Variants in SUCLG2 observed in about 807,000 individuals in gnomAD.
SUCLG2 encodes the protein succinate-CoA ligase GDP-forming subunit beta, also known as succinate--CoA ligase [GDP-forming] subunit beta, mitochondrial.
A neutral mutation model predicts 47.9 loss-of-function variants in SUCLG2; 42 were observed. The ratio of observed to expected loss-of-function variants is 0.88; its 90% CI spans 0.69 to 1.14. The LOEUF (loss-of-function observed/expected upper bound fraction) is 1.14, where lower values mean the gene tolerates loss of function less well. SUCLG2 is among the 50% of genes most tolerant of loss of function. The probability of loss-of-function intolerance (pLI) is 0.00; values close to 1 mark genes in which losing one functional copy is unlikely to be tolerated. For synonymous variants in SUCLG2, 195 were observed against 197.3 expected, an observed-to-expected ratio of 0.99 and a Z score of 0.10; for missense variants, 571 against 525.9, an observed-to-expected ratio of 1.09 and a Z score of -0.84.
chr3:67,417,507 T>G (rs1206320257), intron 9 of SUCLG2, among the ~76,000 whole-genome samples: 2 of 152,250 alleles, frequency 1.3e-5, no homozygotes, highest in African/African-American at 2.4e-5. Flanking sequence ...TTCTTAATAA[T>G]GGTGCGACAC....
At chr3:67,617,887 A>T (rs1026500884) in intron 1 of SUCLG2, among the ~76,000 whole-genome samples, 1 of 152,240 alleles carries the variant, frequency 6.6e-6, no homozygotes, top group African/African-American at 2.4e-5. Flanking sequence ...AGAGGAGGAA[A>T]GGTGTAACAA....
chr3:67,488,133 GGT>G (rs559568909), intron 9 of SUCLG2, among the ~76,000 whole-genome samples: 79 of 151,414 alleles, frequency 5.2e-4, no homozygotes, highest in African/African-American at 1.8e-3. Flanking sequence ...TTTTTAAAAA[GGT>G]ATATATAAAT....
intron 10 of SUCLG2, among the ~76,000 whole-genome samples, chr3:67,386,914 C>T (rs1056044979): frequency 6.6e-6 from 1 of 152,090 alleles, no homozygotes; most frequent in African/African-American, 2.4e-5. Context: ...TGGTGTACCC[C>T]CATCCTTTGA....
intron 10 of SUCLG2, among the ~76,000 whole-genome samples, chr3:67,366,730 A>G (rs1701881019): frequency 6.6e-6 from 1 of 152,150 alleles, no homozygotes; most frequent in South Asian, 2.1e-4. Flanking sequence ...AGCCCCCTCC[A>G]GCACTCTGTT....
At chr3:67,421,381 A>G (rs938953358) in intron 9 of SUCLG2, among the ~76,000 whole-genome samples, 1 of 152,192 alleles carries the variant, frequency 6.6e-6, no homozygotes, top group Non-Finnish European at 1.5e-5. Flanking sequence ...TCAGCAAAAA[A>G]ACAATCAAAG....
chr3:67,555,519 G>A (rs1475405931), intron 2 of SUCLG2, among the ~76,000 whole-genome samples: 1 of 152,072 alleles, frequency 6.6e-6, no homozygotes, highest in Non-Finnish European at 1.5e-5. Flanking sequence ...AAAACAACCA[G>A]GGTTTCTTAG....
downstream of SUCLG2, among the ~76,000 whole-genome samples, chr3:67,371,283 G>T (rs1701949132): frequency 6.6e-6 from 1 of 152,174 alleles, no homozygotes; most frequent in African/African-American, 2.4e-5. Flanking sequence ...TTTTGGATTT[G>T]TGAAATTTGG....
At chr3:67,618,319 G>T (rs564727372) in intron 1 of SUCLG2, among the ~76,000 whole-genome samples, 1 of 152,024 alleles carries the variant, frequency 6.6e-6, no homozygotes. Flanking sequence ...ACAGGGAGGC[G>T]GGGACAGGAA....
At chr3:67,637,785 C>G (rs1701034184) in intron 1 of SUCLG2, among the ~76,000 whole-genome samples, 1 of 152,102 alleles carries the variant, frequency 6.6e-6, no homozygotes, top group Non-Finnish European at 1.5e-5. Flanking sequence ...AAGGGAGCAT[C>G]CATGCCAGTA....
intron 9 of SUCLG2, among the ~76,000 whole-genome samples, chr3:67,482,575 C>T (rs1704945795): frequency 6.6e-6 from 1 of 152,136 alleles, no homozygotes; most frequent in Non-Finnish European, 1.5e-5. Context: ...ACTATTTGGT[C>T]GTTCAGCTTA....
chr3:67,439,955 G>A (rs1187340499), intron 9 of SUCLG2, among the ~76,000 whole-genome samples: 1 of 152,128 alleles, frequency 6.6e-6, no homozygotes, highest in African/African-American at 2.4e-5. Flanking sequence ...AAAGCTGGAG[G>A]CATCATACTA....
chr3:67,616,656 T>C (rs1700635542), intron 1 of SUCLG2, among the ~76,000 whole-genome samples: 1 of 152,212 alleles, frequency 6.6e-6, no homozygotes, highest in Non-Finnish European at 1.5e-5. Flanking sequence ...AGCCAGGCTT[T>C]AACACAATGG....
intron 9 of SUCLG2, among the ~76,000 whole-genome samples, chr3:67,423,285 C>A (rs1703216339): frequency 6.6e-6 from 1 of 152,144 alleles, no homozygotes; most frequent in Non-Finnish European, 1.5e-5. Context: ...TGCCTTCTGC[C>A]ATGATTGTAA....
chr3:67,602,497 T>G (rs1708441877), intron 2 of SUCLG2, among the ~76,000 whole-genome samples: 2 of 152,086 alleles, frequency 1.3e-5, no homozygotes, highest in South Asian at 4.1e-4. Flanking sequence ...GAAAAGATAT[T>G]CTAGCACAGA....
intron 2 of SUCLG2, among the ~76,000 whole-genome samples, chr3:67,605,749 C>T (rs1700400314): frequency 6.6e-6 from 1 of 152,066 alleles, no homozygotes; most frequent in African/African-American, 2.4e-5. Flanking sequence ...TTTTGTCAAT[C>T]CTTTTATCAT....
chr3:67,609,619 G>A, intron 1 of SUCLG2, 23 bp from the exon 2 acceptor site: 4 of 1,608,644 alleles, frequency 2.5e-6, no homozygotes, highest in Non-Finnish European at 3.4e-6. Context: ...AAGGAGAGAG[G>A]TAAGAACATT....
chr3:67,453,841 T>A (rs1001577566), intron 9 of SUCLG2, among the ~76,000 whole-genome samples: 1 of 152,160 alleles, frequency 6.6e-6, no homozygotes, highest in African/African-American at 2.4e-5. Context: ...AATGTGACCA[T>A]CCAGTTGAAA....
chr3:67,466,664 T>A (rs1384548561), intron 9 of SUCLG2, among the ~76,000 whole-genome samples: 1 of 152,234 alleles, frequency 6.6e-6, no homozygotes, highest in Non-Finnish European at 1.5e-5. Context: ...GATTTTTATA[T>A]GGCAAAACCT....
At chr3:67,460,981 C>T (rs1400297966) in intron 9 of SUCLG2, among the ~76,000 whole-genome samples, 2 of 152,104 alleles carry the variant, frequency 1.3e-5, no homozygotes, top group African/African-American at 2.4e-5. Flanking sequence ...TCTAACGTCT[C>T]TGCACTACAG....
Sources: allele counts gnomAD v4.1 joint callset (sites outside exome capture counted in the v4.1 genomes callset), GRCh38; gene constraint gnomAD v4.1.1; transcripts MANE v1.5; gene names NCBI Gene and HGNC (gene_info 2026-07-23, HGNC 2026-07-21).